RAD51B: variants seen among roughly 807,000 people sequenced by gnomAD.
RAD51B encodes the protein DNA repair protein RAD51 homolog 2.
A neutral mutation model predicts 42.2 loss-of-function variants in RAD51B; 38 were observed. That is an observed-to-expected ratio of 0.90 (90% CI 0.70 to 1.18). RAD51B has a LOEUF of 1.18. Ranked by LOEUF, RAD51B falls within the 50% of genes most tolerant of loss-of-function variation. The pLI, the probability that RAD51B is intolerant of heterozygous loss-of-function variation, is 0.00. For missense variants in RAD51B, 373 were observed against 400.7 expected (o/e 0.93, Z 0.59); for synonymous variants, 154 against 145.2 (o/e 1.06, Z -0.43).
rs548868720 is a variant in RAD51B, at chr14:68,246,385, A to G, written c.757-45499A>G. ...AAAAGGGCTAAATCTTCCAGGCCAA[A>G]ATATGCCAGGGTTTGTACAAACCAG... On this transcript the variant is annotated intron_variant, in intron 7 of 10. Coordinates refer to ENST00000471583, the MANE Select transcript of RAD51B (RefSeq NM_133510.4). Among the ~76,000 whole-genome samples, 3 of 152,338 alleles carry G rather than the reference A, an allele frequency of 2.0e-5. No individual in the cohort carries two copies. The East Asian group carries it at 5.8e-4, about 29-fold the overall frequency.
At chr14:68,030,051 A>C (rs2076017808) in intron 7 of RAD51B, among the ~76,000 whole-genome samples, 1 of 152,210 alleles carries the variant, frequency 6.6e-6, no homozygotes, top group African/African-American at 2.4e-5. Context: ...TATTCAGTGA[A>C]CCACACTGTA....
At chr14:68,362,127 C>G (rs1223891630) in intron 8 of RAD51B, among the ~76,000 whole-genome samples, 1 of 152,222 alleles carries the variant, frequency 6.6e-6, no homozygotes, top group African/African-American at 2.4e-5. Context: ...TACCTACAAA[C>G]TTCCCTCATG....
At chr14:68,253,533 G>C (rs1488874390) in intron 7 of RAD51B, among the ~76,000 whole-genome samples, 2 of 151,968 alleles carry the variant, frequency 1.3e-5, no homozygotes, top group Non-Finnish European at 2.9e-5. Context: ...TTTTGTTTGT[G>C]GAATCATTTA....
intron 9 of RAD51B, among the ~76,000 whole-genome samples, chr14:68,454,614 A>G (rs1366392263): frequency 6.6e-6 from 1 of 152,024 alleles, no homozygotes; most frequent in Non-Finnish European, 1.5e-5. Context: ...CACCTTAAAA[A>G]CCCCATCCCA....
chr14:68,088,155 A>G (rs909470282), intron 7 of RAD51B, among the ~76,000 whole-genome samples: 1 of 150,506 alleles, frequency 6.6e-6, no homozygotes, highest in Non-Finnish European at 1.5e-5. Context: ...TTCTCCATGA[A>G]TCTAAGAGCT....
chr14:68,269,049 C>T (rs1041219824), intron 7 of RAD51B, among the ~76,000 whole-genome samples: 3 of 152,222 alleles, frequency 2.0e-5, no homozygotes, highest in Non-Finnish European at 4.4e-5. Flanking sequence ...GTGTTTCTGT[C>T]TCTCTGCTTC....
At chr14:68,575,926 T>C (rs528956430) in intron 10 of RAD51B, among the ~76,000 whole-genome samples, 2 of 152,282 alleles carry the variant, frequency 1.3e-5, no homozygotes, top group Admixed American at 1.3e-4. Flanking sequence ...GCACAACTTA[T>C]AGATGGACGG....
At chr14:68,444,744 G>C (rs2085382677) in intron 9 of RAD51B, among the ~76,000 whole-genome samples, 1 of 152,230 alleles carries the variant, frequency 6.6e-6, no homozygotes, top group Non-Finnish European at 1.5e-5. Context: ...TGTTCTCACA[G>C]TAGGAGCAGG....
downstream of RAD51B, among the ~76,000 whole-genome samples, chr14:68,479,255 G>A (rs1187126229): frequency 6.6e-6 from 1 of 152,170 alleles, no homozygotes; most frequent in African/African-American, 2.4e-5. Context: ...GGATTCTTAT[G>A]ACATGAATTG....
intron 7 of RAD51B, among the ~76,000 whole-genome samples, chr14:68,291,025 C>T (rs913874942): frequency 1.3e-5 from 2 of 151,938 alleles, no homozygotes; most frequent in African/African-American, 4.8e-5. Flanking sequence ...CAAGGCTGGT[C>T]TCAAACTCCT....
chr14:68,111,782 G>A (rs1260523976), intron 7 of RAD51B, among the ~76,000 whole-genome samples: 1 of 152,104 alleles, frequency 6.6e-6, no homozygotes, highest in Non-Finnish European at 1.5e-5. Context: ...CAAGAAGGGA[G>A]CAATTACATC....
At chr14:67,885,742 C>A in intron 5 of RAD51B, 127 bp from the exon 6 acceptor site, 1 of 1,217,640 alleles carries the variant, frequency 8.2e-7, no homozygotes, top group Non-Finnish European at 1.1e-6. Context: ...TATATTAAGC[C>A]ATTTTGCTTA....
intron 9 of RAD51B, among the ~76,000 whole-genome samples, chr14:68,458,114 G>A (rs967584994): frequency 2.0e-5 from 3 of 152,290 alleles, no homozygotes; most frequent in East Asian, 3.9e-4. Context: ...AAGATGGGTT[G>A]ATAGATAAAT....
intron 10 of RAD51B, among the ~76,000 whole-genome samples, chr14:68,623,127 T>C (rs566584019): frequency 2.6e-5 from 4 of 152,286 alleles, no homozygotes; most frequent in Non-Finnish European, 5.9e-5. Context: ...GAAATTCCCC[T>C]AAAGCATTCA....
intron 8 of RAD51B, among the ~76,000 whole-genome samples, chr14:68,352,450 A>G (rs1294189887): frequency 6.6e-6 from 1 of 152,246 alleles, no homozygotes; most frequent in Non-Finnish European, 1.5e-5. Context: ...CAATAGGTGG[A>G]TTCCAAGAGT....
chr14:68,496,084 GACAA>G (rs1376976230), intron 10 of RAD51B, among the ~76,000 whole-genome samples: 2 of 152,176 alleles, frequency 1.3e-5, no homozygotes, highest in Non-Finnish European at 2.9e-5. Flanking sequence ...CTCAGTCATT[GACAA>G]ACAGTGTGTC....
Position 68,606,760 on chromosome 14 carries a change from G to C in RAD51B, c.1037-4246G>C, listed in dbSNP as rs1891463479. ...CAGCTCATTCAAGATGACACAGTTT[G>C]TTATTAACTGAGTCGGAACTGTACC... On this transcript the variant is annotated intron_variant, in intron 10 of 10. Transcript: ENST00000487861. 2.6e-5 allele frequency among the ~76,000 whole-genome samples: 4 copies of C among 152,246 alleles called. No individual in the cohort carries two copies. In the South Asian group the frequency reaches 6.2e-4, roughly 24 times the overall value.
intron 11 of RAD51B, among the ~76,000 whole-genome samples, chr14:68,664,869 C>T (rs544409708): frequency 6.6e-6 from 1 of 152,122 alleles, no homozygotes; most frequent in African/African-American, 2.4e-5. Flanking sequence ...AAATCCATGA[C>T]AAAAATGCCC....
rs11158737 is a variant in RAD51B, at chr14:68,413,857, A to C, written c.957+2330A>C. ...CACCATTTAGTAGCAGAACGTGCCT[A>C]GATAATTCTAGGGTAGTAAGACCTC... is the stretch of plus-strand genomic sequence containing the variant. On this transcript the variant is annotated intron_variant, in intron 9 of 10. Transcript: ENST00000471583. Among the ~76,000 whole-genome samples, 12 of 152,142 alleles carry C rather than the reference A, an allele frequency of 7.9e-5. No individual in the cohort carries two copies. In the East Asian group the frequency reaches 2.3e-3, roughly 29 times the overall value.
Sources: gnomAD v4.1 joint callset for allele counts (sites outside exome capture counted in the v4.1 genomes callset) on GRCh38, gnomAD v4.1.1 for gene constraint, MANE v1.5 for transcripts, NCBI Gene and HGNC (gene_info 2026-07-23, HGNC 2026-07-21) for gene names.